The following TRHDE variants were observed in gnomAD, a reference collection of about 807,000 sequenced individuals.
TRHDE encodes thyrotropin releasing hormone degrading enzyme, also known as thyrotropin-releasing hormone-degrading ectoenzyme.
Under a neutral mutation model 125.7 loss-of-function variants are expected in TRHDE, and 72 were observed. The ratio of observed to expected loss-of-function variants is 0.57; its 90% confidence interval spans 0.47 to 0.70. TRHDE has a LOEUF of 0.70. TRHDE is among the 30% of genes least tolerant of loss of function. The pLI, the probability that TRHDE is intolerant of heterozygous loss-of-function variation, is 0.00. For synonymous variants in TRHDE, 509 were observed against 509.1 expected (o/e 1.00, Z 0.00); for missense variants, 1,110 against 1,327.1 (o/e 0.84, Z 2.54).
chr12:72,635,906 C>A (rs902025567), intron 15 of TRHDE, among the ~76,000 whole-genome samples: 2 of 152,078 alleles, frequency 1.3e-5, no homozygotes, highest in Admixed American at 6.6e-5. Context: ...GTTACTGTAG[C>A]CTTGTAGTAT....
Position 72,433,465 on chromosome 12 carries a change from G to A in TRHDE, c.1316-36293G>A, listed in dbSNP as rs73344423. ...TTTATGGGTGGGGTGCTGGACAGGA[G>A]CAGTAGCCTTTAGTCTCCTTGGCTT... On this transcript the variant is annotated intron_variant, in intron 3 of 18. Transcript: ENST00000261180. Among the ~76,000 whole-genome samples, 1,494 of 152,174 alleles carry A rather than the reference G, an allele frequency of 9.8e-3. 32 individuals carry two copies. Among genetic ancestry groups the A allele is most frequent in the African/African-American group, 0.034 (1,399 of 41,534 alleles).
chr12:72,482,386 T>C (rs1302267219), intron 5 of TRHDE, among the ~76,000 whole-genome samples: 2 of 151,908 alleles, frequency 1.3e-5, no homozygotes, highest in South Asian at 2.1e-4. Context: ...AAAAATAAAA[T>C]TGGGCATGGT....
intron 2 of TRHDE, among the ~76,000 whole-genome samples, chr12:72,349,600 T>G (rs1325038096): frequency 6.6e-6 from 1 of 151,984 alleles, no homozygotes; most frequent in Non-Finnish European, 1.5e-5. Context: ...CCTTACAGTG[T>G]TCAGAGCAGT....
rs115112015 is a variant in TRHDE at position 72,474,522 on chromosome 12, G to A, written c.1584+1342G>A. Among the ~76,000 whole-genome samples the A allele has an allele frequency of 5.5e-3, 832 of 152,182 alleles. 3 individuals are homozygous for A. Among genetic ancestry groups the A allele is most frequent in the African/African-American group, 0.019 (792 of 41,538 alleles). ...AGATTTCTTATAGAAGTGGAATTAT[G>A]TAGTATTTGTCTATTTTATCTCGCT... On this transcript the variant is annotated intron_variant, in intron 5 of 18. Coordinates refer to ENST00000261180, the MANE Select transcript of TRHDE (RefSeq NM_013381.3).
rs1379652720 is a variant in TRHDE at position 72,535,476 on chromosome 12, T to C, written c.1723-6815T>C. Among the ~76,000 whole-genome samples the C allele has an allele frequency of 4.6e-5, 7 of 152,188 alleles. 1 individual carries two copies. The highest frequency in any genetic ancestry group is 4.6e-4 in the Admixed American group (7 of 15,266). On this transcript the variant is annotated intron_variant, in intron 6 of 18. Transcript: ENST00000261180. The stretch of plus-strand genomic sequence containing the variant: ...AATAAATCATAGAGGACTCCAAGGC[T>C]CCAAGCATGGGTAACTGAAGCAATG...
intron 3 of TRHDE, among the ~76,000 whole-genome samples, chr12:72,389,655 C>T (rs1872553351): frequency 1.3e-5 from 2 of 152,116 alleles, no homozygotes; most frequent in African/African-American, 4.8e-5. Flanking sequence ...GCCCTAATCC[C>T]ATCATGGGGG....
intron 10 of TRHDE, among the ~76,000 whole-genome samples, chr12:72,573,284 A>G (rs1478507281): frequency 3.3e-5 from 5 of 151,924 alleles, no homozygotes; most frequent in African/African-American, 1.2e-4. Flanking sequence ...TTATTTATGT[A>G]GTCATTTTTA....
chr12:72,240,633 G>A (rs776975635), intron 2 of TRHDE, among the ~76,000 whole-genome samples: 11 of 151,556 alleles, frequency 7.3e-5, no homozygotes, highest in South Asian at 2.1e-4. Flanking sequence ...ACAGTGGCGC[G>A]ATCTCGGCTC....
intron 2 of TRHDE, among the ~76,000 whole-genome samples, chr12:72,214,543 G>A (rs1171208270): frequency 6.6e-6 from 1 of 152,116 alleles, no homozygotes; most frequent in Non-Finnish European, 1.5e-5. Context: ...GAGTAACAAG[G>A]CTAATGATAA....
intron 3 of TRHDE, among the ~76,000 whole-genome samples, chr12:72,448,974 T>C (rs17111184): frequency 0.04 from 6,149 of 152,042 alleles, 449 homozygotes; most frequent in African/African-American, 0.14. Flanking sequence ...TTATATTCAG[T>C]CAGAGTGGAA....
intron 5 of TRHDE, among the ~76,000 whole-genome samples, chr12:72,479,990 ACT>A (rs2135911563): frequency 6.6e-6 from 1 of 151,336 alleles, no homozygotes; most frequent in South Asian, 2.1e-4. Flanking sequence ...AAGGACATGA[ACT>A]CATCCTTTTT....
At chr12:72,424,490 C>T (rs1874100457) in intron 3 of TRHDE, among the ~76,000 whole-genome samples, 1 of 152,114 alleles carries the variant, frequency 6.6e-6, no homozygotes, top group Non-Finnish European at 1.5e-5. Context: ...GCTTTTAGCC[C>T]AGTGAGACCT....
intron 5 of TRHDE, among the ~76,000 whole-genome samples, chr12:72,483,499 T>C (rs977282105): frequency 6.6e-6 from 1 of 152,038 alleles, no homozygotes; most frequent in African/African-American, 2.4e-5. Context: ...GGTACTTAAG[T>C]ATAATAATAT....
chr12:72,396,832 T>G (rs183635689), intron 3 of TRHDE, among the ~76,000 whole-genome samples: 1 of 152,332 alleles, frequency 6.6e-6, no homozygotes, highest in East Asian at 1.9e-4. Context: ...CCTCACTGGC[T>G]ATTCCTTCTC....
chr12:72,115,765 G>C (rs553157964), intron 2 of TRHDE, among the ~76,000 whole-genome samples: 12 of 152,126 alleles, frequency 7.9e-5, no homozygotes, highest in African/African-American at 2.4e-4. Flanking sequence ...GATGATGTCT[G>C]GTAGTTTTGG....
At chr12:72,101,316 A>G (rs1490329718) in intron 1 of TRHDE, among the ~76,000 whole-genome samples, 6 of 152,222 alleles carry the variant, frequency 3.9e-5, no homozygotes, top group African/African-American at 9.6e-5. Flanking sequence ...TTATATTTCA[A>G]TAATAACTTA....
intron 2 of TRHDE, among the ~76,000 whole-genome samples, chr12:72,348,999 A>G (rs968272022): frequency 1.3e-5 from 2 of 151,830 alleles, no homozygotes; most frequent in Non-Finnish European, 2.9e-5. Flanking sequence ...TTCAAGCTGA[A>G]TTGTATGTCT....
At chr12:72,313,801 A>G (rs1178734636) in intron 2 of TRHDE, among the ~76,000 whole-genome samples, 1 of 152,198 alleles carries the variant, frequency 6.6e-6, no homozygotes. Context: ...AAAGCTAGAG[A>G]TATTGTCTCC....
At chr12:72,509,269 C>A (rs778402552) in intron 6 of TRHDE, among the ~76,000 whole-genome samples, 1 of 151,372 alleles carries the variant, frequency 6.6e-6, no homozygotes, top group Non-Finnish European at 1.5e-5. Flanking sequence ...TAATAACCAC[C>A]GCACCCCCCC....
Sources: allele counts gnomAD v4.1 joint callset (sites outside exome capture counted in the v4.1 genomes callset), GRCh38; gene constraint gnomAD v4.1.1; transcripts MANE v1.5; gene names NCBI Gene and HGNC (gene_info 2026-07-23, HGNC 2026-07-21).